Variants in LAMA3 observed in about 807,000 individuals in gnomAD.
LAMA3 encodes the protein laminin subunit alpha 3.
A neutral mutation model predicts 402.0 loss-of-function variants in LAMA3; 281 were observed. That is an observed-to-expected ratio of 0.70 (90% CI 0.63 to 0.77). The LOEUF (loss-of-function observed/expected upper bound fraction) is 0.77. Among genes scored for constraint, LAMA3 ranks in the 30% least tolerant of loss-of-function variants. The pLI, the probability that LAMA3 is intolerant of heterozygous loss-of-function variation, is 0.00. For missense variants in LAMA3, 3,840 were observed against 4,215.5 expected, an observed-to-expected ratio of 0.91 and a Z score of 2.47; for synonymous variants, 1,431 against 1,558.4, an observed-to-expected ratio of 0.92 and a Z score of 1.93.
chr18:23,795,552 A>G (rs2062745845), intron 12 of LAMA3, among the ~76,000 whole-genome samples: 1 of 152,212 alleles, frequency 6.6e-6, no homozygotes, highest in Non-Finnish European at 1.5e-5. Context: ...GAAATAGTTA[A>G]CTAATAGTTA....
At chr18:23,940,741 G>A (rs1046363729) in intron 68 of LAMA3, among the ~76,000 whole-genome samples, 1 of 152,086 alleles carries the variant, frequency 6.6e-6, no homozygotes, top group Non-Finnish European at 1.5e-5. Flanking sequence ...ACAGCTCCAC[G>A]TCTCCAGCTG....
In LAMA3 at chr18:23,921,601, T is replaced by A. The variant is rs909356154; in HGVS notation, c.8177+16T>A. 9.3e-6 allele frequency: 15 copies of A among 1,613,268 alleles called. No individual in the cohort carries two copies. The highest frequency in any genetic ancestry group is 4.5e-5 in the East Asian group (2 of 44,838). On this transcript the variant is annotated intron_variant, in intron 62 of 74. Coordinates refer to ENST00000313654, the MANE Select transcript of LAMA3 (RefSeq NM_198129.4). ...TCAGGGAAAGGTAAGATGATTTTTT[T>A]AAAACGAGATTTAAAGCCTTTGTTA... is the stretch of plus-strand genomic sequence containing the variant.
rs781582247 is a variant in LAMA3, at chr18:23,915,273, T to C, written c.7645-16T>C. On this transcript the variant is annotated splice_polypyrimidine_tract_variant and intron_variant, in intron 58 of 74. Coordinates refer to ENST00000313654, the MANE Select transcript of LAMA3 (RefSeq NM_198129.4). ...CCTTTGTTCAATTGGTGGAAGATGT[T>C]TTATTTCATTTTCAGCTTCCCAGTC... 6.2e-7 allele frequency: 1 copy of C among 1,612,672 alleles called. No homozygotes were observed. Among genetic ancestry groups the C allele is most frequent in the African/African-American group, 1.3e-5 (1 of 75,026 alleles).
chr18:23,826,322 G>C (rs1425467074), intron 21 of LAMA3, among the ~76,000 whole-genome samples: 1 of 152,228 alleles, frequency 6.6e-6, no homozygotes. Flanking sequence ...TGTGGGAGTA[G>C]AAAGTGATCC....
intron 32 of LAMA3, among the ~76,000 whole-genome samples, chr18:23,855,277 G>A (rs983050481): frequency 3.3e-5 from 5 of 152,240 alleles, no homozygotes; most frequent in African/African-American, 1.2e-4. Flanking sequence ...CTGTCCCTCT[G>A]TGCGTGGTGT....
Position 23,901,197 on chromosome 18 carries a change from G to T in LAMA3, c.6075G>T (p.Arg2025=), listed in dbSNP as rs2081058214. The T allele has an allele frequency of 6.2e-7, 1 of 1,614,176 alleles. No individual in the cohort carries two copies. The highest frequency in any genetic ancestry group is 1.3e-5 in the African/African-American group (1 of 75,050). Residue 2025 remains arginine, a synonymous_variant, in exon 48 of 75, where the codon CGG becomes CGT. Coordinates refer to ENST00000313654, the MANE Select transcript of LAMA3 (RefSeq NM_198129.4). ...GENNGLANSI[R]DSLNEYEAKL... ...ACAATGGGCTTGCTAACAGTATCCG[G>T]GATTCTTTAAATGAATACGAAGCCA...
intron 64 of LAMA3, 54 bp downstream of exon 64, chr18:23,928,819 A>G: frequency 2.6e-6 from 4 of 1,524,406 alleles, no homozygotes; most frequent in South Asian, 2.2e-5. Flanking sequence ...TCAAAGTTTG[A>G]TGTTAAAAAC....
At chr18:23,763,216 A>T (rs1293933597) in intron 7 of LAMA3, among the ~76,000 whole-genome samples, 189 bp from the exon 8 acceptor site, 1 of 152,106 alleles carries the variant, frequency 6.6e-6, no homozygotes, top group East Asian at 1.9e-4. Flanking sequence ...AAATGAAAGG[A>T]GCTCTAAACT....
At chr18:23,693,290 G>A (rs923103492) in intron 1 of LAMA3, among the ~76,000 whole-genome samples, 1 of 152,176 alleles carries the variant, frequency 6.6e-6, no homozygotes, top group African/African-American at 2.4e-5. Context: ...TCGCGCCATT[G>A]CACTCCAGCC....
At position 23,912,818 on chromosome 18, in the gene LAMA3, G is replaced by A. The variant is rs1436636462; in HGVS notation, c.7266G>A (p.Arg2422=). 4.3e-6 allele frequency: 7 copies of A among 1,613,872 alleles called. No homozygotes were observed. In the Admixed American group the frequency reaches 1.2e-4, roughly 27 times the overall value. The stretch of plus-strand genomic sequence containing the variant: ...CATCTCTGTCCTTGTTTCTCCAAAG[G>A]CCCAACTCAAGAGAAAATGGGGGTA... ...GYTSLSLFLQ[R]PNSRENGGTE... Residue 2422 remains arginine (R), a synonymous_variant, in exon 56 of 75, where the codon AGG becomes AGA. Transcript: ENST00000313654.
chr18:23,806,396 C>T (rs2062963397), intron 12 of LAMA3, among the ~76,000 whole-genome samples: 1 of 152,148 alleles, frequency 6.6e-6, no homozygotes, highest in African/African-American at 2.4e-5. Context: ...TCAGGGCTTG[C>T]TGGGATTTGA....
intron 66 of LAMA3, among the ~76,000 whole-genome samples, chr18:23,933,295 G>T (rs2082220725): frequency 6.6e-6 from 1 of 152,120 alleles, no homozygotes; most frequent in Non-Finnish European, 1.5e-5. Context: ...GTCAATAAAG[G>T]TTTCTTGGGC....
At chr18:23,745,517 C>T (rs2061638656) in intron 2 of LAMA3, among the ~76,000 whole-genome samples, 2 of 152,200 alleles carry the variant, frequency 1.3e-5, no homozygotes, top group Admixed American at 1.3e-4. Context: ...AGATGAAACA[C>T]GTCAAATATT....
At chr18:23,834,706 G>T (rs1435188134) in intron 24 of LAMA3, 3 of 152,656 alleles carry the variant, frequency 2.0e-5, no homozygotes, top group Non-Finnish European at 4.4e-5. Flanking sequence ...AACCCATCCA[G>T]TTCTTGGCCA....
chr18:23,737,772 C>T (rs1291720085), intron 2 of LAMA3, among the ~76,000 whole-genome samples: 4 of 152,364 alleles, frequency 2.6e-5, no homozygotes, highest in South Asian at 2.1e-4. Flanking sequence ...AGACTGAGTG[C>T]GTGTTTTGTA....
intron 25 of LAMA3, among the ~76,000 whole-genome samples, chr18:23,837,915 G>C (rs935568898): frequency 6.6e-6 from 1 of 152,070 alleles, no homozygotes; most frequent in Non-Finnish European, 1.5e-5. Context: ...CTGGAATTCA[G>C]TTTTTAAAAA....
intron 12 of LAMA3, among the ~76,000 whole-genome samples, chr18:23,788,641 G>A (rs1302939189): frequency 2.6e-5 from 4 of 151,778 alleles, no homozygotes; most frequent in African/African-American, 7.3e-5. Flanking sequence ...GAAACTAAAC[G>A]TAAGAGCTAA....
At chr18:23,909,065 A>T in intron 54 of LAMA3, 88 bp from the exon 55 acceptor site, 1 of 1,300,788 alleles carries the variant, frequency 7.7e-7, no homozygotes, top group Non-Finnish European at 1.1e-6. Flanking sequence ...CAAACATGCC[A>T]CTTGACAAAT....
intron 18 of LAMA3, among the ~76,000 whole-genome samples, chr18:23,819,621 T>A (rs566157093): frequency 6.6e-6 from 1 of 152,370 alleles, no homozygotes; most frequent in Admixed American, 6.5e-5. Flanking sequence ...CTCATCTTAA[T>A]GCTTGGAATT....
Sources: allele counts gnomAD v4.1 joint callset (sites outside exome capture counted in the v4.1 genomes callset), GRCh38; gene constraint gnomAD v4.1.1; transcripts MANE v1.5; gene names NCBI Gene and HGNC (gene_info 2026-07-23, HGNC 2026-07-21).